Variants in CLNK observed in about 807,000 individuals in gnomAD.
CLNK encodes cytokine dependent hematopoietic cell linker.
Under a neutral mutation model 68.6 loss-of-function variants are expected in CLNK, and 74 were observed. The ratio of observed to expected loss-of-function variants is 1.08; its 90% CI spans 0.89 to 1.31. The LOEUF (loss-of-function observed/expected upper bound fraction) is 1.31. Ranked by LOEUF, CLNK falls within the 50% of genes most tolerant of loss-of-function variation. The pLI is 0.00. For missense variants in CLNK, 553 were observed against 515.3 expected (o/e 1.07, Z -0.71); for synonymous variants, 198 against 172.2 (o/e 1.15, Z -1.17).
chr4:10,719,865 G>A, the CLNK span, among the ~76,000 whole-genome samples: 2,253 of 152,134 alleles, frequency 0.015, 58 homozygotes, highest in African/African-American at 0.051. Context: ...ATCATACAGA[G>A]CCAATGTGGA....
chr4:10,711,882 T>A, the CLNK span, among the ~76,000 whole-genome samples: 1 of 152,194 alleles, frequency 6.6e-6, no homozygotes, highest in African/African-American at 2.4e-5. Context: ...GGTTTGAAGT[T>A]GGGAGAAATT....
chr4:10,689,739 C>T (rs1288357116), upstream of CLNK, among the ~76,000 whole-genome samples: 1 of 40,644 alleles, frequency 2.5e-5, no homozygotes, highest in Non-Finnish European at 6.6e-5. Flanking sequence ...GGATCAAAAC[C>T]CATGCATTTT....
chr4:10,705,107 A>G, the CLNK span, among the ~76,000 whole-genome samples: 1 of 152,212 alleles, frequency 6.6e-6, no homozygotes, highest in Non-Finnish European at 1.5e-5. Context: ...GGAAGAATTT[A>G]TCTGAGGGCT....
chr4:10,619,012 T>C (rs369172379), intron 2 of CLNK, among the ~76,000 whole-genome samples: 82 of 152,346 alleles, frequency 5.4e-4, no homozygotes, highest in African/African-American at 1.8e-3. Context: ...GAAAAGTACA[T>C]GTTGTCAGCA....
At chr4:10,694,677 G>C in the CLNK span, among the ~76,000 whole-genome samples, 2 of 152,068 alleles carry the variant, frequency 1.3e-5, no homozygotes, top group African/African-American at 4.8e-5. Flanking sequence ...ATCACCTAAC[G>C]ATGCATTTCT....
At chr4:10,692,304 G>A in the CLNK span, among the ~76,000 whole-genome samples, 9 of 152,288 alleles carry the variant, frequency 5.9e-5, no homozygotes, top group African/African-American at 2.2e-4. Flanking sequence ...GCAAGGACAG[G>A]CTCAGATCTT....
At chr4:10,681,255 C>T (rs1384605875) in intron 1 of CLNK, among the ~76,000 whole-genome samples, 1 of 152,154 alleles carries the variant, frequency 6.6e-6, no homozygotes, top group Non-Finnish European at 1.5e-5. Flanking sequence ...GGTCAAAGTA[C>T]CAGAGTGAAC....
At chr4:10,535,913 C>T (rs1447240700) in intron 11 of CLNK, among the ~76,000 whole-genome samples, 5 of 152,166 alleles carry the variant, frequency 3.3e-5, no homozygotes, top group Non-Finnish European at 7.3e-5. Context: ...ACATAAGTGG[C>T]TGAGAATGTC....
the CLNK span, among the ~76,000 whole-genome samples, chr4:10,726,950 G>C: frequency 0.43 from 65,712 of 152,066 alleles, 15,032 homozygotes; most frequent in East Asian, 0.69. Flanking sequence ...TTTAGGGCCA[G>C]ATAGCAAGTG....
At chr4:10,625,500 G>A (rs1024846096) in intron 2 of CLNK, among the ~76,000 whole-genome samples, 4 of 152,184 alleles carry the variant, frequency 2.6e-5, no homozygotes, top group African/African-American at 9.7e-5. Flanking sequence ...GTGCCAGATG[G>A]TTATTGTACT....
chr4:10,606,404 C>A lies in CLNK; in HGVS notation c.12-8355G>T, dbSNP rs556556675. 2.2e-3 allele frequency among the ~76,000 whole-genome samples: 341 copies of A among 152,088 alleles called. 1 individual carries two copies. The highest frequency in any genetic ancestry group is 1.9e-3 in the Non-Finnish European group (132 of 68,000). Reference sequence around the variant, plus strand: ...TTCTTCCGGAATCCCTCCTCAAGAACCTGCCTGAGGTTGTTTTACAGTTAA... The same window carrying A: ...TTCTTCCGGAATCCCTCCTCAAGAAACTGCCTGAGGTTGTTTTACAGTTAA... On this transcript the variant is annotated intron_variant, in intron 2 of 18. Transcript: ENST00000226951.
the CLNK span, among the ~76,000 whole-genome samples, chr4:10,708,220 C>T: frequency 7.2e-5 from 11 of 152,104 alleles, no homozygotes; most frequent in African/African-American, 1.9e-4. Context: ...CCCAGTTTTT[C>T]GCATCCGAAA....
intron 1 of CLNK, among the ~76,000 whole-genome samples, chr4:10,677,785 C>T (rs1437157721): frequency 6.6e-6 from 1 of 151,866 alleles, no homozygotes; most frequent in Non-Finnish European, 1.5e-5. Flanking sequence ...ATAAACTACT[C>T]AGTCTCAGAG....
chr4:10,514,812 G>T (rs964633822), intron 15 of CLNK, among the ~76,000 whole-genome samples: 5 of 151,658 alleles, frequency 3.3e-5, no homozygotes, highest in African/African-American at 1.2e-4. Context: ...GAGTGAACAG[G>T]CAACCTACAA....
At chr4:10,660,480 A>T (rs1050451811) in intron 2 of CLNK, among the ~76,000 whole-genome samples, 1 of 152,222 alleles carries the variant, frequency 6.6e-6, no homozygotes, top group African/African-American at 2.4e-5. Context: ...CTCTTTATGT[A>T]TATATTTTTG....
chr4:10,594,117 C>T (rs1472464791), intron 3 of CLNK, among the ~76,000 whole-genome samples: 2 of 152,228 alleles, frequency 1.3e-5, no homozygotes, highest in Non-Finnish European at 2.9e-5. Flanking sequence ...CACTCTTCTG[C>T]TTCCCACCAG....
At chr4:10,541,074 C>T (rs1044439478) in intron 10 of CLNK, among the ~76,000 whole-genome samples, 7 of 151,986 alleles carry the variant, frequency 4.6e-5, no homozygotes, top group Non-Finnish European at 1.0e-4. Flanking sequence ...ATTAGCCAGT[C>T]ATGGTGGCAT....
chr4:10,695,092 G>A, the CLNK span, among the ~76,000 whole-genome samples: 2 of 152,126 alleles, frequency 1.3e-5, no homozygotes, highest in Non-Finnish European at 2.9e-5. Context: ...GTTTCAGTTA[G>A]ACAGGAGGAG....
intron 2 of CLNK, among the ~76,000 whole-genome samples, chr4:10,652,358 G>A (rs1311384818): frequency 7.9e-6 from 1 of 126,670 alleles, no homozygotes; most frequent in Non-Finnish European, 1.6e-5. Flanking sequence ...CTCCAGCCTG[G>A]GTGACAGAGC....
Sources: allele counts gnomAD v4.1 joint callset (sites outside exome capture counted in the v4.1 genomes callset), GRCh38; gene constraint gnomAD v4.1.1; transcripts MANE v1.5; gene names NCBI Gene and HGNC (gene_info 2026-07-23, HGNC 2026-07-21).